C2orf15: variants seen among roughly 807,000 people sequenced by gnomAD.
The protein encoded by C2orf15 is uncharacterized protein C2orf15.
C2orf15 carries 3 observed loss-of-function variants against 4.4 expected under a neutral mutation model. That is an observed-to-expected ratio of 0.67 (90% CI 0.31 to 1.74). The LOEUF is 1.74. Among genes scored for constraint, C2orf15 ranks in the 40% most tolerant of loss-of-function variants. C2orf15 has a pLI of 0.09. For synonymous variants in C2orf15, 37 were observed against 36.8 expected (o/e 1.00, Z -0.02); for missense variants, 90 against 103.3 (o/e 0.87, Z 0.56).
intron 3 of C2orf15, among the ~76,000 whole-genome samples, chr2:99,147,700 G>A (rs2093646725): frequency 6.6e-6 from 1 of 152,070 alleles, no homozygotes. Context: ...CTACAGAAAT[G>A]TAATAATAAT....
In C2orf15 at chr2:99,150,241, C is replaced by T. The variant is rs115905448; in HGVS notation, c.-76-242C>T. 5.8e-3 allele frequency among the ~76,000 whole-genome samples: 887 copies of T among 152,274 alleles called. 10 individuals are homozygous for T. The highest frequency in any genetic ancestry group is 0.02 in the African/African-American group (850 of 41,570). On this transcript the variant is annotated intron_variant, in intron 3 of 3. Coordinates refer to ENST00000650052, the MANE Select transcript of C2orf15 (RefSeq NM_144706.4). The stretch of plus-strand genomic sequence containing the variant: ...GAATGAAAGAAAGGACTAAGAGAAG[C>T]TCTACTATTTTCTGAAAGGTGATAA...
At chr2:99,144,837 G>A (rs1288113348) in intron 2 of C2orf15, among the ~76,000 whole-genome samples, 2 of 152,056 alleles carry the variant, frequency 1.3e-5, no homozygotes, top group Admixed American at 1.3e-4. Context: ...TAAGTGCAAA[G>A]GTCCTGAAGC....
rs2093688446 is a variant in C2orf15 at position 99,151,018 on chromosome 2, TTTAGGG to T, written c.*186_*191del. The T allele has an allele frequency of 4.3e-6, 2 of 465,378 alleles. No homozygotes were observed. The allele number at this position is 465,378 out of a possible 1,614,324, so 28.8% of individuals were successfully genotyped here. On this transcript the variant is annotated 3_prime_UTR_variant, in exon 4 of 4. Transcript: ENST00000650052. Reference sequence around the variant, plus strand: ...TGATGCTTATTCAAAAGGCAGTTGCTTTAGGGTGAAAAAGCCTTCCAAGATTCAAAG... The same window carrying T: ...TGATGCTTATTCAAAAGGCAGTTGCTTGAAAAAGCCTTCCAAGATTCAAAG...
intron 2 of C2orf15, among the ~76,000 whole-genome samples, chr2:99,146,657 C>A (rs552278422): frequency 1.2e-4 from 18 of 152,236 alleles, no homozygotes; most frequent in African/African-American, 3.9e-4. Flanking sequence ...GAGACGGAGT[C>A]TTGCTCTGTC....
chr2:99,145,413 A>G (rs1179257159), intron 2 of C2orf15, among the ~76,000 whole-genome samples: 1 of 151,900 alleles, frequency 6.6e-6, no homozygotes, highest in Non-Finnish European at 1.5e-5. Context: ...ACAAAAATTA[A>G]CTGATCGTGG....
chr2:99,149,658 G>A (rs1238206941), intron 3 of C2orf15, among the ~76,000 whole-genome samples: 2 of 151,538 alleles, frequency 1.3e-5, no homozygotes, highest in Admixed American at 1.3e-4. Flanking sequence ...TAGCCAGGAT[G>A]GTCTCGATCT....
In C2orf15 at chr2:99,142,337, A is replaced by G. The variant is rs1201670057; in HGVS notation, c.-233A>G. 2.0e-5 allele frequency: 3 copies of G among 152,256 alleles called. No individual in the cohort carries two copies. The highest frequency in any genetic ancestry group is 6.5e-5 in the Admixed American group (1 of 15,292). The allele number at this position is 152,256 out of a possible 1,614,324, so 9.4% of individuals were successfully genotyped here. On this transcript the variant is annotated 5_prime_UTR_variant, in exon 2 of 4. An upstream open reading frame in the 5' UTR loses its in-frame stop. Coordinates refer to ENST00000650052, the MANE Select transcript of C2orf15 (RefSeq NM_144706.4). ...AATTCTCTGATGACCTTGATATGGT[A>G]GAACGCTGTGTATTTCAAGAGTAAG...
intron 3 of C2orf15, 76 bp downstream of exon 3, chr2:99,147,569 G>T (rs1304592092): frequency 8.1e-7 from 1 of 1,227,620 alleles, no homozygotes; most frequent in African/African-American, 1.5e-5. Context: ...GAAGTTTAAT[G>T]TGCAAATTGA....
chr2:99,146,828 C>T (rs1400974579), intron 2 of C2orf15, among the ~76,000 whole-genome samples: 2 of 152,146 alleles, frequency 1.3e-5, no homozygotes, highest in Non-Finnish European at 2.9e-5. Flanking sequence ...AGAGTTTCAC[C>T]ATGTTGATCA....
At chr2:99,144,512 C>T (rs1030570788) in intron 2 of C2orf15, among the ~76,000 whole-genome samples, 1 of 151,398 alleles carries the variant, frequency 6.6e-6, no homozygotes, top group Admixed American at 6.6e-5. Flanking sequence ...AGGCGGGGCA[C>T]GGTGGCTCAT....
chr2:99,144,648 T>TAAAAAAAA (rs2093613310), intron 2 of C2orf15, among the ~76,000 whole-genome samples: 1 of 15,760 alleles, frequency 6.3e-5, no homozygotes, highest in Non-Finnish European at 1.7e-4. Context: ...AAACTCTGTC[T>TAAAAAAAA]CAAAAAAAAA....
intron 3 of C2orf15, among the ~76,000 whole-genome samples, chr2:99,149,442 C>CTTTTT (rs35395900): frequency 7.5e-6 from 1 of 132,818 alleles, no homozygotes; most frequent in Non-Finnish European, 1.6e-5. Flanking sequence ...ACATGATCAT[C>CTTTTT]TTTTTTTTTT....
intron 2 of C2orf15, among the ~76,000 whole-genome samples, chr2:99,144,648 T>TCAAAAAA (rs1251722614): frequency 6.3e-5 from 1 of 15,760 alleles, no homozygotes; most frequent in Non-Finnish European, 1.7e-4. Context: ...AAACTCTGTC[T>TCAAAAAA]CAAAAAAAAA....
Position 99,150,926 on chromosome 2 carries a change from C to A in C2orf15, c.*92C>A. 1 of 770,276 alleles carries A rather than the reference C, an allele frequency of 1.3e-6. No individual in the cohort carries two copies. The highest frequency in any genetic ancestry group is 2.1e-6 in the Non-Finnish European group (1 of 470,390). The allele number at this position is 770,276 out of a possible 1,614,324, so 47.7% of individuals were successfully genotyped here. A position where few individuals can be genotyped will look rare whatever the true frequency, so the allele number is the denominator to read the frequency against. On this transcript the variant is annotated 3_prime_UTR_variant, in exon 4 of 4. Coordinates refer to ENST00000650052, the MANE Select transcript of C2orf15 (RefSeq NM_144706.4). ...ACTTAACCTTATTAGGAAACCCTGA[C>A]AAAATGATGGAAGACTATTGCCTTA...
chr2:99,142,243 G>A (rs1574744333), intron 1 of C2orf15, 42 bp from the exon 2 acceptor site: 2 of 152,274 alleles, frequency 1.3e-5, no homozygotes, highest in South Asian at 4.1e-4. Context: ...TAACTCAAGA[G>A]CTTCTGGATG....
At chr2:99,146,433 A>G (rs973748004) in intron 2 of C2orf15, among the ~76,000 whole-genome samples, 8 of 151,920 alleles carry the variant, frequency 5.3e-5, no homozygotes, top group Admixed American at 5.2e-4. Flanking sequence ...TCTCTTATCT[A>G]TCTTTTTGTT....
Position 99,143,108 on chromosome 2 carries a change from G to C in C2orf15, c.-169+707G>C, listed in dbSNP as rs1467490523. ...TCTGTGGAAACCCAAGGGGTAGTGA[G>C]TGTCCCACCCTGCCCCAACTAAACC... On this transcript the variant is annotated intron_variant, in intron 2 of 3. Coordinates refer to ENST00000650052, the MANE Select transcript of C2orf15 (RefSeq NM_144706.4). Among the ~76,000 whole-genome samples, 5 of 147,606 alleles carry C rather than the reference G, an allele frequency of 3.4e-5. No homozygotes were observed. In the South Asian group the frequency reaches 1.1e-3, roughly 32 times the overall value.
intron 3 of C2orf15, 93 bp downstream of exon 3, chr2:99,147,586 T>C: frequency 9.5e-7 from 1 of 1,057,180 alleles, no homozygotes. Flanking sequence ...TTGATAATTA[T>C]ATGTTACCAT....
chr2:99,149,949 C>T (rs1034241658), intron 3 of C2orf15, among the ~76,000 whole-genome samples: 3 of 151,984 alleles, frequency 2.0e-5, no homozygotes, highest in South Asian at 2.1e-4. Flanking sequence ...CATGCCACCA[C>T]ACCCAGCTAA....
Sources: gnomAD v4.1 joint callset for allele counts (sites outside exome capture counted in the v4.1 genomes callset) on GRCh38, gnomAD v4.1.1 for gene constraint, MANE v1.5 for transcripts, NCBI Gene and HGNC (gene_info 2026-07-23, HGNC 2026-07-21) for gene names.